The following ZSWIM5 variants were observed in gnomAD, a reference collection of about 807,000 sequenced individuals.
ZSWIM5 encodes the protein zinc finger SWIM-type containing 5, also known as zinc finger SWIM domain-containing protein 5.
In ZSWIM5, 55 loss-of-function variants were observed where a neutral mutation model predicts 119.6. The observed-to-expected ratio is 0.46, with a 90% CI of 0.37 to 0.58. The LOEUF is 0.58. ZSWIM5 is among the 20% of genes least tolerant of loss of function. The probability of loss-of-function intolerance (pLI) is 0.00; values close to 1 mark genes in which losing one functional copy is unlikely to be tolerated. For missense variants in ZSWIM5, 1,193 were observed against 1,512.8 expected, an observed-to-expected ratio of 0.79 and a Z score of 3.51; for synonymous variants, 537 against 606.9, an observed-to-expected ratio of 0.88 and a Z score of 1.69.
At chr1:45,032,300 T>A (rs1394123482) in intron 11 of ZSWIM5, among the ~76,000 whole-genome samples, 2 of 151,948 alleles carry the variant, frequency 1.3e-5, no homozygotes, top group East Asian at 1.9e-4. Context: ...GGCTAATTTT[T>A]AAAATTTTTT....
chr1:45,074,700 G>T (rs1212326248), intron 2 of ZSWIM5, among the ~76,000 whole-genome samples: 1 of 150,674 alleles, frequency 6.6e-6, no homozygotes, highest in Admixed American at 6.6e-5. Flanking sequence ...TTTTTGTATT[G>T]TTTTCATTTC....
chr1:45,063,217 A>G (rs1300763333), intron 2 of ZSWIM5, among the ~76,000 whole-genome samples: 1 of 152,078 alleles, frequency 6.6e-6, no homozygotes, highest in South Asian at 2.1e-4. Context: ...GCTTTATCCA[A>G]TCCACTGCTG....
chr1:45,035,938 A>G, intron 9 of ZSWIM5, 101 bp downstream of exon 9: 2 of 1,570,922 alleles, frequency 1.3e-6, no homozygotes, highest in Middle Eastern at 1.7e-4. Flanking sequence ...CATTCACTAC[A>G]TTTTAATGTC....
At chr1:45,081,848 C>CG (rs1645294030) in intron 2 of ZSWIM5, among the ~76,000 whole-genome samples, 1 of 151,834 alleles carries the variant, frequency 6.6e-6, no homozygotes, top group Non-Finnish European at 1.5e-5. Context: ...TCATTGAGAA[C>CG]GGGCCAGGAT....
At chr1:45,111,384 G>C (rs1320241003) in intron 1 of ZSWIM5, among the ~76,000 whole-genome samples, 5 of 152,216 alleles carry the variant, frequency 3.3e-5, no homozygotes, top group Non-Finnish European at 5.9e-5. Flanking sequence ...GCAGTGGGAA[G>C]GCCTGGCAAC....
chr1:45,187,058 G>A (rs1032131405), intron 1 of ZSWIM5, among the ~76,000 whole-genome samples: 10 of 152,160 alleles, frequency 6.6e-5, no homozygotes, highest in East Asian at 1.9e-4. Context: ...CGATACAATC[G>A]CTTTCAAAAT....
At chr1:45,022,830 C>A (rs907570800) in intron 11 of ZSWIM5, among the ~76,000 whole-genome samples, 9 of 152,216 alleles carry the variant, frequency 5.9e-5, no homozygotes, top group Non-Finnish European at 1.5e-5. Context: ...CCATCATACC[C>A]TCCCATATAC....
At chr1:45,196,559 T>G (rs1241843120) in intron 1 of ZSWIM5, among the ~76,000 whole-genome samples, 1 of 149,908 alleles carries the variant, frequency 6.7e-6, no homozygotes, top group Non-Finnish European at 1.5e-5. Context: ...CCCGGCTAAT[T>G]TTTTGTATTT....
intron 4 of ZSWIM5, 23 bp from the exon 5 acceptor site, chr1:45,051,276 T>C (rs1318393825): frequency 6.2e-7 from 1 of 1,606,700 alleles, no homozygotes; most frequent in Non-Finnish European, 8.5e-7. Context: ...GCAACCCATA[T>C]TCTTAACATC....
rs547877865 is a variant in ZSWIM5 at position 45,043,471 on chromosome 1, G to A, written c.1433-76C>T. 312 of 1,439,858 alleles carry A rather than the reference G, an allele frequency of 2.2e-4. 6 individuals carry two copies. The South Asian group carries it at 3.3e-3, about 15-fold the overall frequency. The allele number at this position is 1,439,858 out of a possible 1,614,324, so 89.2% of individuals were successfully genotyped here. ...TAAGCCCTGGGTCTTCTTCAGGGTG[G>A]GAGGTTGGCTGAATAATAGTATTTT... On this transcript the variant is annotated intron_variant, in intron 5 of 13. Transcript: ENST00000359600.
intron 2 of ZSWIM5, among the ~76,000 whole-genome samples, chr1:45,080,024 C>T (rs1645279893): frequency 6.6e-6 from 1 of 152,184 alleles, no homozygotes. Flanking sequence ...CCCCACTCTT[C>T]CCTCTCCTCT....
At chr1:45,033,171 G>A (rs185988940) in intron 11 of ZSWIM5, among the ~76,000 whole-genome samples, 7 of 152,128 alleles carry the variant, frequency 4.6e-5, no homozygotes, top group African/African-American at 1.4e-4. Context: ...TGTTATCTCA[G>A]GCTAATTTTA....
chr1:45,066,372 C>T (rs1046176917), intron 2 of ZSWIM5, among the ~76,000 whole-genome samples: 2 of 152,056 alleles, frequency 1.3e-5, no homozygotes, highest in African/African-American at 4.8e-5. Flanking sequence ...AGATACGGAG[C>T]TTATAGTTGG....
rs142902984 is a variant in ZSWIM5, at chr1:45,126,956, G to A, written c.596-38719C>T. ...TGGGCTCAAGCAATGCTACCACCTC[G>A]TTCTCCCGAGTAGCTGGGATTACAG... On this transcript the variant is annotated intron_variant, in intron 1 of 13. Coordinates refer to ENST00000359600, the MANE Select transcript of ZSWIM5 (RefSeq NM_020883.2). Among the ~76,000 whole-genome samples, 601 of 152,052 alleles carry A rather than the reference G, an allele frequency of 4.0e-3. 3 individuals are homozygous for A. The highest frequency in any genetic ancestry group is 0.014 in the African/African-American group (577 of 41,466).
intron 1 of ZSWIM5, among the ~76,000 whole-genome samples, chr1:45,188,747 T>C (rs1472971703): frequency 1.3e-5 from 2 of 152,178 alleles, no homozygotes; most frequent in African/African-American, 2.4e-5. Flanking sequence ...ATAGCCTCCC[T>C]AATAAAAACA....
intron 1 of ZSWIM5, among the ~76,000 whole-genome samples, chr1:45,191,747 G>A (rs187978043): frequency 1.4e-4 from 21 of 152,272 alleles, no homozygotes; most frequent in Non-Finnish European, 2.8e-4. Context: ...CTCCAAACAC[G>A]GCACTTAGGA....
chr1:45,191,006 G>T (rs1167930732), intron 1 of ZSWIM5, among the ~76,000 whole-genome samples: 6 of 137,138 alleles, frequency 4.4e-5, no homozygotes, highest in Non-Finnish European at 7.6e-5. Flanking sequence ...GAGTGCAGTG[G>T]CGCTATCTCC....
chr1:45,037,039 G>C (rs1644989196), intron 8 of ZSWIM5, among the ~76,000 whole-genome samples: 1 of 150,924 alleles, frequency 6.6e-6, no homozygotes, highest in South Asian at 2.1e-4. Flanking sequence ...GGGCTCAAGT[G>C]ATTTTCCCAC....
At chr1:45,096,019 C>G (rs144430924) in intron 1 of ZSWIM5, among the ~76,000 whole-genome samples, 1 of 152,118 alleles carries the variant, frequency 6.6e-6, no homozygotes, top group African/African-American at 2.4e-5. Flanking sequence ...TTATAAAAGA[C>G]GTTTTCCCAA....
Sources: gnomAD v4.1 joint callset for allele counts (sites outside exome capture counted in the v4.1 genomes callset) on GRCh38, gnomAD v4.1.1 for gene constraint, MANE v1.5 for transcripts, NCBI Gene and HGNC (gene_info 2026-07-23, HGNC 2026-07-21) for gene names.